Variants in ERC1 observed in about 807,000 individuals in gnomAD.
The protein encoded by ERC1 is ELKS/RAB6-interacting/CAST family member 1, also known as RAB6 interacting protein 2.
A neutral mutation model predicts 132.0 loss-of-function variants in ERC1; 56 were observed. That is an observed-to-expected ratio of 0.42 (90% CI 0.34 to 0.53). The LOEUF (loss-of-function observed/expected upper bound fraction) is 0.53, where lower values mean the gene tolerates loss of function less well. Among genes scored for constraint, ERC1 ranks in the 20% least tolerant of loss-of-function variants. The pLI, the probability that ERC1 is intolerant of heterozygous loss-of-function variation, is 0.03. For missense variants in ERC1, 1,202 were observed against 1,349.9 expected (o/e 0.89, Z 1.72); for synonymous variants, 478 against 476.1 (o/e 1.00, Z -0.05).
chr12:1,342,830 G>T (rs1011999263), intron 15 of ERC1, among the ~76,000 whole-genome samples: 1 of 152,190 alleles, frequency 6.6e-6, no homozygotes, highest in East Asian at 1.9e-4. Flanking sequence ...TCTATGCCAT[G>T]CCACTAATTT....
intron 13 of ERC1, among the ~76,000 whole-genome samples, chr12:1,244,152 G>A (rs1338707480): frequency 1.3e-5 from 2 of 152,078 alleles, no homozygotes; most frequent in Non-Finnish European, 2.9e-5. Flanking sequence ...AATATACCAC[G>A]TGATTGAAGT....
chr12:1,064,214 A>G (rs1364421293), intron 2 of ERC1, among the ~76,000 whole-genome samples: 1 of 149,342 alleles, frequency 6.7e-6, no homozygotes, highest in African/African-American at 2.5e-5. Context: ...CTTGCTGTTT[A>G]AAAAACTTTT....
rs1943633274 is a variant in ERC1 at position 1,093,962 on chromosome 12, T to TATATA, written c.1086+10383_1086+10387dup. 1.7e-5 allele frequency among the ~76,000 whole-genome samples: 2 copies of TATATA among 119,706 alleles called. 1 individual carries two copies. The allele number at this position is 119,706 out of a possible 152,430, so 78.5% of individuals were successfully genotyped here. A position where few individuals can be genotyped will look rare whatever the true frequency, so the allele number is the denominator to read the frequency against. ...ATATAAATATATATATTTTTCTATA[T>TATATA]ATATATATATATATATATATATAGA... On this transcript the variant is annotated intron_variant, in intron 3 of 18. Transcript: ENST00000360905.
At chr12:1,059,936 A>G (rs1272744365) in intron 2 of ERC1, among the ~76,000 whole-genome samples, 1 of 152,208 alleles carries the variant, frequency 6.6e-6, no homozygotes, top group Non-Finnish European at 1.5e-5. Flanking sequence ...AAAGTTTTGT[A>G]GAATTTAGCA....
chr12:1,292,957 C>G (rs1484086230), intron 15 of ERC1, among the ~76,000 whole-genome samples: 1 of 148,730 alleles, frequency 6.7e-6, no homozygotes, highest in East Asian at 2.0e-4. Context: ...CCATCCTGGC[C>G]AACATGGTGA....
Position 1,439,632 on chromosome 12 carries a change from T to C in ERC1, c.3025-4930T>C, listed in dbSNP as rs188699099. Among the ~76,000 whole-genome samples, 325 of 152,354 alleles carry C rather than the reference T, an allele frequency of 2.1e-3. 1 individual carries two copies. Among genetic ancestry groups the C allele is most frequent in the Non-Finnish European group, 3.4e-3 (232 of 68,034 alleles). ...ACGAGTTCATTTTTTAACTTCTTTT[T>C]TCCTAGTGCAGAAAAGTATATTTAA... is the stretch of plus-strand genomic sequence containing the variant. On this transcript the variant is annotated intron_variant, in intron 17 of 18. Coordinates refer to ENST00000360905, the MANE Select transcript of ERC1 (RefSeq NM_178040.4).
At position 1,183,305 on chromosome 12, in the gene ERC1, C is replaced by A; in HGVS notation, c.2041C>A (p.His681Asn). The part of the protein sequence containing the change: ...KEASLLDLKE[H>N]ASSLASSGLK... Reference sequence around the variant, plus strand: ...GGCTTCACTTTTGGATCTGAAAGAGCATGCTTCTTCTCTGGCATCCTCAGG... The same window carrying A: ...GGCTTCACTTTTGGATCTGAAAGAGAATGCTTCTTCTCTGGCATCCTCAGG... The change falls in exon 11 of 19, where the codon CAT becomes AAT. Residue 681 changes from histidine (H) to asparagine (N), a missense_variant. Physicochemically the swap from His to Asn is moderately conservative, Grantham distance 68. Transcript: ENST00000360905. 1 of 1,570,484 alleles carries A rather than the reference C, an allele frequency of 6.4e-7. No homozygotes were observed. Among genetic ancestry groups the A allele is most frequent in the South Asian group, 1.2e-5 (1 of 82,874 alleles).
chr12:1,405,292 G>GT (rs2091401948), intron 16 of ERC1, among the ~76,000 whole-genome samples: 1 of 128,356 alleles, frequency 7.8e-6, no homozygotes, highest in South Asian at 2.4e-4. Flanking sequence ...TTTATTAATC[G>GT]GTTTTTTTTT....
intron 1 of ERC1, among the ~76,000 whole-genome samples, chr12:995,266 A>G (rs915128270): frequency 6.6e-6 from 1 of 152,122 alleles, no homozygotes; most frequent in African/African-American, 2.4e-5. Context: ...TCTCAAATAA[A>G]TAATAAATAA....
chr12:1,155,181 A>T (rs1425642994), intron 8 of ERC1, among the ~76,000 whole-genome samples: 1 of 151,990 alleles, frequency 6.6e-6, no homozygotes. Flanking sequence ...AAAAAATCTG[A>T]TGGGCATATT....
chr12:1,175,616 C>T (rs1192502455), intron 8 of ERC1, among the ~76,000 whole-genome samples: 1 of 151,688 alleles, frequency 6.6e-6, no homozygotes, highest in Non-Finnish European at 1.5e-5. Flanking sequence ...TCACTGCAAC[C>T]TCTGCCTCCT....
intron 15 of ERC1, among the ~76,000 whole-genome samples, chr12:1,294,844 T>C (rs1028620683): frequency 6.6e-6 from 1 of 152,192 alleles, no homozygotes; most frequent in Admixed American, 6.5e-5. Flanking sequence ...AGGACCATCT[T>C]TTTCATTGTT....
chr12:1,062,494 C>A (rs1938221969), intron 2 of ERC1, among the ~76,000 whole-genome samples: 3 of 151,948 alleles, frequency 2.0e-5, no homozygotes, highest in Non-Finnish European at 2.9e-5. Flanking sequence ...CTCCATAGAC[C>A]CAGTGGTTTT....
chr12:1,250,871 G>A (rs889227827), intron 13 of ERC1, among the ~76,000 whole-genome samples: 4 of 152,194 alleles, frequency 2.6e-5, no homozygotes, highest in Non-Finnish European at 5.9e-5. Context: ...AACCTTGAAA[G>A]AGGTTGTTGT....
chr12:1,352,883 T>C (rs1434581472), intron 15 of ERC1, among the ~76,000 whole-genome samples: 1 of 152,222 alleles, frequency 6.6e-6, no homozygotes, highest in African/African-American at 2.4e-5. Context: ...TACTCTAGAA[T>C]AGGACTACTT....
chr12:1,478,421 A>G (rs1014954598), intron 18 of ERC1, among the ~76,000 whole-genome samples: 13 of 152,114 alleles, frequency 8.5e-5, no homozygotes, highest in African/African-American at 2.7e-4. Context: ...AGTTCTTTAT[A>G]TATTATGGAT....
Position 1,360,218 on chromosome 12 carries a change from A to G in ERC1, c.2781-11615A>G, listed in dbSNP as rs555891869. The stretch of plus-strand genomic sequence containing the variant: ...TGACAGACATTGTTAAGTATAATTC[A>G]AAAGTAAAGAAGCTTAGAATATAAA... On this transcript the variant is annotated intron_variant, in intron 15 of 18. Transcript: ENST00000360905. Among the ~76,000 whole-genome samples, 17 of 152,370 alleles carry G rather than the reference A, an allele frequency of 1.1e-4. No individual in the cohort carries two copies. In the South Asian group the frequency reaches 3.1e-3, roughly 28 times the overall value.
Position 1,493,404 on chromosome 12 carries a change from G to A in ERC1, c.*3174G>A, listed in dbSNP as rs945586174. The A allele has an allele frequency of 7.1e-5, 12 of 169,012 alleles. No individual in the cohort carries two copies. The highest frequency in any genetic ancestry group is 1.1e-4 in the East Asian group (1 of 9,244). The allele number at this position is 169,012 out of a possible 1,614,324, so 10.5% of individuals were successfully genotyped here. On this transcript the variant is annotated 3_prime_UTR_variant, in exon 19 of 19. Transcript: ENST00000360905. ...ACTAAAAATACAAAATTAGCCAGGCGTGGTGGCGTACGCCTGTAATCCCAG... is the reference window on the plus strand; with the variant it reads ...ACTAAAAATACAAAATTAGCCAGGCATGGTGGCGTACGCCTGTAATCCCAG...
At chr12:1,402,645 A>ACACACACACACACACAC (rs1566780524) in intron 16 of ERC1, among the ~76,000 whole-genome samples, 2 of 151,578 alleles carry the variant, frequency 1.3e-5, no homozygotes, top group Non-Finnish European at 2.9e-5. Context: ...ACACACACAC[A>ACACACACACACACACAC]AAAGAACAAA....
Sources: gnomAD v4.1 joint callset for allele counts (sites outside exome capture counted in the v4.1 genomes callset) on GRCh38, gnomAD v4.1.1 for gene constraint, MANE v1.5 for transcripts, NCBI Gene and HGNC (gene_info 2026-07-23, HGNC 2026-07-21) for gene names.